Variants in L3MBTL3 observed in about 807,000 individuals in gnomAD.
The protein encoded by L3MBTL3 is lethal(3)malignant brain tumor-like protein 3.
A neutral mutation model predicts 102.3 loss-of-function variants in L3MBTL3; 27 were observed. That is an observed-to-expected ratio of 0.26 (90% CI 0.19 to 0.36). L3MBTL3 has a LOEUF of 0.36. Among genes scored for constraint, L3MBTL3 ranks in the 10% least tolerant of loss-of-function variants. L3MBTL3 has a pLI of 1.00. For missense variants in L3MBTL3, 798 were observed against 955.3 expected, an observed-to-expected ratio of 0.84 and a Z score of 2.17; for synonymous variants, 340 against 320.9, an observed-to-expected ratio of 1.06 and a Z score of -0.64.
At chr6:130,078,304 A>G (rs776603666) in intron 13 of L3MBTL3, among the ~76,000 whole-genome samples, 10 of 152,204 alleles carry the variant, frequency 6.6e-5, no homozygotes, top group Non-Finnish European at 1.0e-4. Flanking sequence ...AGTTGAAGTT[A>G]CAGGATATAA....
At chr6:130,125,045 G>C (rs561703869) in intron 20 of L3MBTL3, among the ~76,000 whole-genome samples, 1 of 152,128 alleles carries the variant, frequency 6.6e-6, no homozygotes, top group Non-Finnish European at 1.5e-5. Flanking sequence ...TTAAACAGTC[G>C]TCTTAGTACT....
At chr6:130,135,163 C>T (rs1165581187) in intron 22 of L3MBTL3, among the ~76,000 whole-genome samples, 4 of 150,192 alleles carry the variant, frequency 2.7e-5, no homozygotes, top group South Asian at 2.1e-4. Context: ...CTGGCAGAGG[C>T]GATTCTCCTG....
At chr6:130,082,299 T>C (rs979257849) in intron 14 of L3MBTL3, among the ~76,000 whole-genome samples, 7 of 152,214 alleles carry the variant, frequency 4.6e-5, no homozygotes, top group African/African-American at 1.7e-4. Context: ...ATTCCTGGCA[T>C]GAATTATATT....
At chr6:130,105,070 A>G (rs1784907686) in intron 19 of L3MBTL3, among the ~76,000 whole-genome samples, 1 of 152,150 alleles carries the variant, frequency 6.6e-6, no homozygotes, top group African/African-American at 2.4e-5. Context: ...TTGAGTTGGA[A>G]TGTTTAACCC....
intron 20 of L3MBTL3, among the ~76,000 whole-genome samples, chr6:130,131,338 A>G (rs547842098): frequency 6.6e-6 from 1 of 152,310 alleles, no homozygotes; most frequent in Non-Finnish European, 1.5e-5. Context: ...GATAGACAAT[A>G]CCAAGCATTG....
At chr6:130,028,139 G>T in intron 2 of L3MBTL3, among the ~76,000 whole-genome samples, 1 of 151,074 alleles carries the variant, frequency 6.6e-6, no homozygotes. Context: ...AAGTAAGTAG[G>T]TTAGGCCACA....
intron 20 of L3MBTL3, among the ~76,000 whole-genome samples, chr6:130,124,445 A>G (rs1786457296): frequency 6.6e-6 from 1 of 152,236 alleles, no homozygotes; most frequent in South Asian, 2.1e-4. Flanking sequence ...ACCTAAATTC[A>G]GTCTACTCTC....
At chr6:130,137,817 G>A (rs1430122801) in intron 22 of L3MBTL3, 1 of 152,222 alleles carries the variant, frequency 6.6e-6, no homozygotes, top group Non-Finnish European at 1.5e-5. Flanking sequence ...ACTAAGGTCT[G>A]CCTTGGTTGA....
intron 2 of L3MBTL3, among the ~76,000 whole-genome samples, chr6:130,041,837 A>T (rs971812730): frequency 6.6e-6 from 1 of 152,176 alleles, no homozygotes; most frequent in East Asian, 1.9e-4. Flanking sequence ...AGCTTCTTCT[A>T]TGGGGAGAAT....
In L3MBTL3 at chr6:130,069,017, A is replaced by G. The variant is rs193005139; in HGVS notation, c.1092+596A>G. Among the ~76,000 whole-genome samples, 4 of 152,330 alleles carry G rather than the reference A, an allele frequency of 2.6e-5. No individual in the cohort carries two copies. In the East Asian group the frequency reaches 7.7e-4, roughly 29 times the overall value. ...AAGGGCAAGCCAGTGGAAAACCAAA[A>G]TGCCATCTTTACAGATGGTCAGAGC... On this transcript the variant is annotated intron_variant, in intron 12 of 22. Coordinates refer to ENST00000361794, the MANE Select transcript of L3MBTL3 (RefSeq NM_032438.4).
chr6:130,046,155 C>T (rs1046222324), intron 3 of L3MBTL3, among the ~76,000 whole-genome samples: 3 of 152,030 alleles, frequency 2.0e-5, no homozygotes, highest in Non-Finnish European at 4.4e-5. Context: ...TAATGTCTTT[C>T]GGAGTCTCTC....
At chr6:130,108,242 T>TTTTTTTTTTTTG (rs1785118746) in intron 19 of L3MBTL3, among the ~76,000 whole-genome samples, 1 of 142,226 alleles carries the variant, frequency 7.0e-6, no homozygotes, top group Non-Finnish European at 1.6e-5. Context: ...TTTTTTTTTT[T>TTTTTTTTTTTTG]TTTTTTTTTT....
intron 1 of L3MBTL3, among the ~76,000 whole-genome samples, chr6:130,021,879 C>A (rs1584261741): frequency 6.6e-6 from 1 of 152,022 alleles, no homozygotes; most frequent in South Asian, 2.1e-4. Context: ...AATATCTATT[C>A]TTTTTCCAGT....
intron 5 of L3MBTL3, among the ~76,000 whole-genome samples, chr6:130,050,357 TA>T (rs1403632378): frequency 6.6e-6 from 1 of 152,250 alleles, no homozygotes; most frequent in African/African-American, 2.4e-5. Context: ...GAATTACGTG[TA>T]ATTTTCCCAA....
chr6:130,024,641 G>A (rs1779221508), intron 2 of L3MBTL3, among the ~76,000 whole-genome samples: 2 of 152,120 alleles, frequency 1.3e-5, no homozygotes, highest in Non-Finnish European at 2.9e-5. Flanking sequence ...TGTGGTGGGT[G>A]GGATGTACCG....
chr6:130,105,714 G>A (rs1014690339), intron 19 of L3MBTL3, among the ~76,000 whole-genome samples: 7 of 151,928 alleles, frequency 4.6e-5, no homozygotes, highest in African/African-American at 1.7e-4. Context: ...GACTAAAACG[G>A]TGGTAAGAAT....
chr6:130,049,045 G>T (rs1439688280), intron 3 of L3MBTL3, among the ~76,000 whole-genome samples: 1 of 152,106 alleles, frequency 6.6e-6, no homozygotes, highest in African/African-American at 2.4e-5. Context: ...GCAGAGCAGG[G>T]TCATTGGTAT....
At chr6:130,106,480 A>G (rs1329305707) in intron 19 of L3MBTL3, among the ~76,000 whole-genome samples, 4 of 152,242 alleles carry the variant, frequency 2.6e-5, no homozygotes, top group Non-Finnish European at 5.9e-5. Flanking sequence ...ATATCACTGT[A>G]TATGTGCAAA....
chr6:130,042,664 T>G, intron 2 of L3MBTL3, 21 bp from the exon 3 acceptor site: 1 of 1,338,028 alleles, frequency 7.5e-7, no homozygotes, highest in Non-Finnish European at 1.1e-6. Flanking sequence ...TTTAGTGATA[T>G]GCCTTCTTTT....
Sources: allele counts gnomAD v4.1 joint callset (sites outside exome capture counted in the v4.1 genomes callset), GRCh38; gene constraint gnomAD v4.1.1; transcripts MANE v1.5; gene names NCBI Gene and HGNC (gene_info 2026-07-23, HGNC 2026-07-21).